Variants in EEF2K observed in about 807,000 individuals in gnomAD.
The protein encoded by EEF2K is alternative protein EEF2K.
Under a neutral mutation model 93.8 loss-of-function variants are expected in EEF2K, and 70 were observed. The observed-to-expected ratio is 0.75, with a 90% CI of 0.62 to 0.91. The LOEUF is 0.91. Ranked by LOEUF, EEF2K falls within the 40% of genes least tolerant of loss-of-function variation. The pLI, the probability that EEF2K is intolerant of heterozygous loss-of-function variation, is 0.00. For synonymous variants in EEF2K, 376 were observed against 380.8 expected, an observed-to-expected ratio of 0.99 and a Z score of 0.15; for missense variants, 935 against 972.9, an observed-to-expected ratio of 0.96 and a Z score of 0.52.
intron 2 of EEF2K, among the ~76,000 whole-genome samples, chr16:22,227,980 T>TA (rs2047079463): frequency 6.6e-6 from 1 of 150,532 alleles, no homozygotes; most frequent in Non-Finnish European, 1.5e-5. Flanking sequence ...CCTATGTAGT[T>TA]ACAGCTATGA....
intron 12 of EEF2K, among the ~76,000 whole-genome samples, chr16:22,263,741 T>G (rs1446645612): frequency 1.3e-5 from 2 of 152,080 alleles, no homozygotes; most frequent in Non-Finnish European, 2.9e-5. Flanking sequence ...AATCTTATGG[T>G]GAAGTGGGAG....
At chr16:22,217,182 A>G (rs1296879536) in intron 1 of EEF2K, among the ~76,000 whole-genome samples, 2 of 142,432 alleles carry the variant, frequency 1.4e-5, no homozygotes, top group Admixed American at 1.4e-4. Context: ...AAAAAAAAAA[A>G]AGAATCAGGA....
At chr16:22,276,946 C>T (rs2047643339) in intron 16 of EEF2K, among the ~76,000 whole-genome samples, 2 of 152,028 alleles carry the variant, frequency 1.3e-5, no homozygotes, top group Admixed American at 1.3e-4. Flanking sequence ...ATCCCAGCTA[C>T]TTCAGCTACT....
chr16:22,245,854 G>A (rs764686442), intron 3 of EEF2K, among the ~76,000 whole-genome samples: 3 of 152,026 alleles, frequency 2.0e-5, no homozygotes, highest in Non-Finnish European at 4.4e-5. Flanking sequence ...AATGTGTGGC[G>A]GTTTCTCCCC....
chr16:22,242,500 C>T (rs528338828), intron 2 of EEF2K, among the ~76,000 whole-genome samples: 2 of 151,034 alleles, frequency 1.3e-5, no homozygotes, highest in East Asian at 1.9e-4. Context: ...AAAGTAGAGA[C>T]GGGGTTTCAC....
At chr16:22,274,454 A>AG (rs1170461302) in intron 16 of EEF2K, among the ~76,000 whole-genome samples, 1 of 151,954 alleles carries the variant, frequency 6.6e-6, no homozygotes, top group Non-Finnish European at 1.5e-5. Flanking sequence ...AAAAAAAAAA[A>AG]AAAAAAAGAT....
chr16:22,257,399 G>A lies in EEF2K; in HGVS notation c.901+14G>A. On this transcript the variant is annotated intron_variant, in intron 8 of 17. Coordinates refer to ENST00000263026, the MANE Select transcript of EEF2K (RefSeq NM_013302.5). ...ACGGCAACCTAGGTACGTGGGGAAAGCCAGCCTGTTTCTGCAGAAACCACG... is the reference window on the plus strand; with the variant it reads ...ACGGCAACCTAGGTACGTGGGGAAAACCAGCCTGTTTCTGCAGAAACCACG... 3 of 1,611,640 alleles carry A rather than the reference G, an allele frequency of 1.9e-6. No homozygotes were observed. Among genetic ancestry groups the A allele is most frequent in the Non-Finnish European group, 2.5e-6 (3 of 1,179,144 alleles).
intron 2 of EEF2K, among the ~76,000 whole-genome samples, chr16:22,231,391 C>T (rs1222468344): frequency 2.0e-5 from 3 of 151,762 alleles, no homozygotes; most frequent in South Asian, 2.1e-4. Context: ...GCTGGGATTA[C>T]AGGCATGAGC....
rs144330987 is a variant in EEF2K, at chr16:22,258,462, C to T, written c.1030-32C>T. On this transcript the variant is annotated intron_variant, in intron 9 of 17. Coordinates refer to ENST00000263026, the MANE Select transcript of EEF2K (RefSeq NM_013302.5). ...CCCTTTAATTCCCAGAGGGTGTGTGCGTGACATGAGTATCCCTATTAATGT... is the reference window on the plus strand; with the variant it reads ...CCCTTTAATTCCCAGAGGGTGTGTGTGTGACATGAGTATCCCTATTAATGT... 866 of 1,607,046 alleles carry T rather than the reference C, an allele frequency of 5.4e-4. 6 individuals are homozygous for T. The African/African-American group carries it at 9.6e-3, about 18-fold the overall frequency.
At position 22,266,509 on chromosome 16, in the gene EEF2K, G is replaced by A. The variant is rs1216750102; in HGVS notation, c.1560G>A (p.Lys520=). The change falls in exon 14 of 18, where the codon AAG becomes AAA. Residue 520 remains lysine (K), a synonymous_variant. Coordinates refer to ENST00000263026, the MANE Select transcript of EEF2K (RefSeq NM_013302.5). ...NALDLEKKIG[K]SILGKVHLAM... is the part of the protein sequence containing the mutation. ...TGGACCTCGAAAAGAAAATCGGGAA[G>A]TCCATTTTGGGGAAGGTATCGGCGA... 3.1e-6 allele frequency: 5 copies of A among 1,614,106 alleles called. No homozygotes were observed. The highest frequency in any genetic ancestry group is 1.1e-5 in the South Asian group (1 of 91,092).
intron 2 of EEF2K, among the ~76,000 whole-genome samples, chr16:22,235,591 G>A (rs1327586835): frequency 6.6e-6 from 1 of 151,798 alleles, no homozygotes; most frequent in African/African-American, 2.4e-5. Context: ...TCTGCCTCTC[G>A]GGTTCAAGTG....
In EEF2K at chr16:22,280,237, T is replaced by G. The variant is rs2047679350; in HGVS notation, c.1929T>G (p.Thr643=). 1 of 1,593,714 alleles carries G rather than the reference T, an allele frequency of 6.3e-7. No individual in the cohort carries two copies. Among genetic ancestry groups the G allele is most frequent in the Non-Finnish European group, 8.5e-7 (1 of 1,170,296 alleles). ...DWLEALHWYN[T]ALEMTDCDEG... is the part of the protein sequence containing the mutation. ...TAGAGGCCCTGCACTGGTACAACAC[T>G]GCCCTGGAGATGACGGACTGTGATG... The change falls in exon 17 of 18, where the codon ACT becomes ACG. Residue 643 remains threonine (T), a synonymous_variant. Coordinates refer to ENST00000263026, the MANE Select transcript of EEF2K (RefSeq NM_013302.5).
intron 4 of EEF2K, 31 bp from the exon 5 acceptor site, chr16:22,250,623 G>A (rs2047340230): frequency 6.2e-7 from 1 of 1,614,152 alleles, no homozygotes; most frequent in Non-Finnish European, 8.5e-7. Context: ...GGGGCATGGG[G>A]ACTGATAACA....
chr16:22,270,361 G>A (rs2047566803), intron 15 of EEF2K, among the ~76,000 whole-genome samples: 1 of 151,952 alleles, frequency 6.6e-6, no homozygotes, highest in Admixed American at 6.6e-5. Flanking sequence ...CTGACCTCAT[G>A]TGATCCACCC....
At chr16:22,249,058 C>T (rs1220439369) in intron 4 of EEF2K, among the ~76,000 whole-genome samples, 1 of 150,856 alleles carries the variant, frequency 6.6e-6, no homozygotes, top group African/African-American at 2.4e-5. Context: ...CAGCCTTGAC[C>T]TCCTGGTCTC....
Position 22,244,625 on chromosome 16 carries a change from C to T in EEF2K, c.247-5C>T. 1 of 1,613,878 alleles carries T rather than the reference C, an allele frequency of 6.2e-7. No individual in the cohort carries two copies. Among genetic ancestry groups the T allele is most frequent in the Middle Eastern group, 1.6e-4 (1 of 6,062 alleles). ...TGTTCCTACCTTCTCCTTTGCCTTC[C>T]ACAGGAAGCCTGGAAGCACGCAATC... On this transcript the variant is annotated splice_region_variant and splice_polypyrimidine_tract_variant and intron_variant, in intron 2 of 17. Coordinates refer to ENST00000263026, the MANE Select transcript of EEF2K (RefSeq NM_013302.5).
At chr16:22,256,409 A>AT (rs1383573769) in intron 6 of EEF2K, among the ~76,000 whole-genome samples, 1 of 151,098 alleles carries the variant, frequency 6.6e-6, no homozygotes, top group Non-Finnish European at 1.5e-5. Flanking sequence ...TAATTTTTGT[A>AT]TTTTTAGTAG....
At chr16:22,282,927 A>G (rs1239534858) in intron 17 of EEF2K, among the ~76,000 whole-genome samples, 1 of 152,208 alleles carries the variant, frequency 6.6e-6, no homozygotes, top group East Asian at 1.9e-4. Flanking sequence ...CTAACATATA[A>G]TAAACATACT....
At chr16:22,245,855 G>C (rs551572836) in intron 3 of EEF2K, among the ~76,000 whole-genome samples, 16 of 152,242 alleles carry the variant, frequency 1.1e-4, no homozygotes, top group Non-Finnish European at 1.3e-4. Flanking sequence ...ATGTGTGGCG[G>C]TTTCTCCCCA....
Sources: gnomAD v4.1 joint callset for allele counts (sites outside exome capture counted in the v4.1 genomes callset) on GRCh38, gnomAD v4.1.1 for gene constraint, MANE v1.5 for transcripts, NCBI Gene and HGNC (gene_info 2026-07-23, HGNC 2026-07-21) for gene names.